Variants in CLUL1 observed in about 807,000 individuals in gnomAD.
CLUL1 encodes clusterin-like protein 1.
Under a neutral mutation model 49.4 loss-of-function variants are expected in CLUL1, and 43 were observed. That is an observed-to-expected ratio of 0.87 (90% CI 0.68 to 1.12). CLUL1 has a LOEUF of 1.12. Among genes scored for constraint, CLUL1 ranks in the 50% most tolerant of loss-of-function variants. The pLI, the probability that CLUL1 is intolerant of heterozygous loss-of-function variation, is 0.00. For synonymous variants in CLUL1, 192 were observed against 184.9 expected (o/e 1.04, Z -0.31); for missense variants, 486 against 544.4 (o/e 0.89, Z 1.07).
At chr18:645,792 TAAAA>T (rs869103727) in intron 9 of CLUL1, among the ~76,000 whole-genome samples, 441 of 15,994 alleles carry the variant, frequency 0.028, 62 homozygotes, top group Non-Finnish European at 0.032. Context: ...AGACTCTGTT[TAAAA>T]AAAAAAAAAA....
intron 6 of CLUL1, among the ~76,000 whole-genome samples, chr18:633,079 C>A (rs1378760627): frequency 6.6e-6 from 1 of 152,168 alleles, no homozygotes; most frequent in African/African-American, 2.4e-5. Context: ...ATCACTTGAA[C>A]CCGGGAGGCA....
chr18:641,281 G>T, intron 7 of CLUL1, 46 bp from the exon 8 acceptor site: 1 of 1,571,740 alleles, frequency 6.4e-7, no homozygotes, highest in South Asian at 1.1e-5. Context: ...CCACCTCCAA[G>T]TTTCATGGAC....
chr18:620,626 A>G (rs1261231089), intron 4 of CLUL1, among the ~76,000 whole-genome samples: 1 of 152,208 alleles, frequency 6.6e-6, no homozygotes, highest in East Asian at 1.9e-4. Context: ...TACCATGTAT[A>G]TCCAATAATG....
chr18:610,051 T>C (rs182917237), intron 2 of CLUL1, among the ~76,000 whole-genome samples: 45 of 151,662 alleles, frequency 3.0e-4, no homozygotes, highest in Non-Finnish European at 5.6e-4. Flanking sequence ...TAAATGTTAC[T>C]GTACAAGGGA....
chr18:623,819 A>G (rs929988819), intron 4 of CLUL1, among the ~76,000 whole-genome samples: 1 of 152,176 alleles, frequency 6.6e-6, no homozygotes, highest in Non-Finnish European at 1.5e-5. Flanking sequence ...AAACTTTACA[A>G]TGAGGACAAC....
intron 9 of CLUL1, chr18:645,374 G>T: frequency 3.7e-6 from 1 of 273,208 alleles, no homozygotes; most frequent in Non-Finnish European, 6.8e-6. Flanking sequence ...ATTTGATTAT[G>T]CATATGAAGA....
chr18:627,649 A>G (rs2073849514), intron 6 of CLUL1, 120 bp downstream of exon 6: 5 of 689,624 alleles, frequency 7.3e-6, no homozygotes, highest in Admixed American at 3.0e-5. Flanking sequence ...GAGACAATTT[A>G]TGGAAAATGT....
chr18:634,665 A>G (rs73364500), intron 7 of CLUL1, among the ~76,000 whole-genome samples: 4,891 of 152,162 alleles, frequency 0.032, 267 homozygotes, highest in African/African-American at 0.11. Context: ...CAAGTGAAAT[A>G]TTTTTTTGAA....
chr18:626,506 C>A (rs747225671), intron 5 of CLUL1, among the ~76,000 whole-genome samples: 8 of 151,982 alleles, frequency 5.3e-5, no homozygotes, highest in Non-Finnish European at 8.8e-5. Flanking sequence ...TACTAGCTTG[C>A]CCAGAATTAT....
At chr18:619,894 G>A (rs2073436887) in intron 4 of CLUL1, among the ~76,000 whole-genome samples, 1 of 151,886 alleles carries the variant, frequency 6.6e-6, no homozygotes, top group Non-Finnish European at 1.5e-5. Flanking sequence ...ATTTTTAGAA[G>A]AGACGGGGTT....
In CLUL1 at chr18:602,074, T is replaced by A. The variant is rs573968003; in HGVS notation, c.-135-4904T>A. 3.5e-4 allele frequency among the ~76,000 whole-genome samples: 53 copies of A among 152,088 alleles called. No individual in the cohort carries two copies. The South Asian group carries it at 8.3e-3, about 24-fold the overall frequency. ...CATCTCTATGAAAGAAAAAAAAATT[T>A]AAAAGAGGTAATGAACAACTTGCTT... On this transcript the variant is annotated intron_variant, in intron 1 of 9. Coordinates refer to ENST00000692774, the MANE Select transcript of CLUL1 (RefSeq NM_001393344.1).
At chr18:640,767 C>T (rs544432431) in intron 7 of CLUL1, among the ~76,000 whole-genome samples, 1 of 152,136 alleles carries the variant, frequency 6.6e-6, no homozygotes, top group East Asian at 1.9e-4. Context: ...TTACTTTGTT[C>T]TAATACTAAG....
intron 7 of CLUL1, among the ~76,000 whole-genome samples, chr18:633,836 CAGGGCGGAGCGTGTAATCGGAATG>C (rs1167347245): frequency 8.7e-6 from 1 of 115,504 alleles, no homozygotes; most frequent in African/African-American, 3.6e-5. Context: ...CGGAATGAAT[CAGGGCGGAGCGTGTAATCGGAATG>C]AATCAGGGTG....
chr18:609,946 G>A (rs958492256), intron 2 of CLUL1, among the ~76,000 whole-genome samples: 1 of 151,990 alleles, frequency 6.6e-6, no homozygotes. Flanking sequence ...AAACAAGTGA[G>A]ATATTCCAAT....
intron 7 of CLUL1, among the ~76,000 whole-genome samples, chr18:638,686 C>T (rs1361600641): frequency 1.3e-5 from 2 of 151,748 alleles, no homozygotes; most frequent in Non-Finnish European, 1.5e-5. Context: ...GGTGAAACCC[C>T]GTCTCTACTA....
Position 606,197 on chromosome 18 carries a change from G to T in CLUL1, c.-135-781G>T, listed in dbSNP as rs1350557254. On this transcript the variant is annotated intron_variant, in intron 1 of 9. Transcript: ENST00000692774. The surrounding 1 kb of genome is among the most constrained non-coding windows in gnomAD (Gnocchi z 4.1). ...CGGCTTCCCCATGCTCCTAGGTCAG[G>T]GTCCTCTCTTGGCATGACACTACCA... Among the ~76,000 whole-genome samples, 1 of 152,092 alleles carries T rather than the reference G, an allele frequency of 6.6e-6. No individual in the cohort carries two copies. The highest frequency in any genetic ancestry group is 2.1e-4 in the South Asian group (1 of 4,816).
At chr18:638,860 G>GGAA (rs1555635375) in intron 7 of CLUL1, among the ~76,000 whole-genome samples, 9 of 143,120 alleles carry the variant, frequency 6.3e-5, no homozygotes, top group Non-Finnish European at 1.4e-4. Flanking sequence ...TTTGTCTCAG[G>GGAA]AAAAAAAAAA....
intron 2 of CLUL1, among the ~76,000 whole-genome samples, chr18:610,289 A>G (rs945844099): frequency 6.6e-6 from 1 of 152,176 alleles, no homozygotes; most frequent in Non-Finnish European, 1.5e-5. Context: ...TCGAAGACTC[A>G]ATAGTCTTCC....
chr18:632,170 A>G (rs553639104), intron 6 of CLUL1, among the ~76,000 whole-genome samples: 160 of 152,300 alleles, frequency 1.1e-3, no homozygotes, highest in African/African-American at 3.6e-3. Flanking sequence ...TGTTGGATAG[A>G]CTTCTCTTTT....
Sources: gnomAD v4.1 joint callset for allele counts (sites outside exome capture counted in the v4.1 genomes callset) on GRCh38, gnomAD v4.1.1 for gene constraint, Gnocchi (gnomAD v3.1) non-coding constraint, MANE v1.5 for transcripts, NCBI Gene and HGNC (gene_info 2026-07-23, HGNC 2026-07-21) for gene names.